Variants in FTO observed in about 807,000 individuals in gnomAD.
FTO encodes the protein alpha-ketoglutarate-dependent dioxygenase FTO.
A neutral mutation model predicts 63.9 loss-of-function variants in FTO; 47 were observed. The observed-to-expected ratio is 0.74, with a 90% CI of 0.58 to 0.94. The LOEUF (loss-of-function observed/expected upper bound fraction) is 0.94. FTO is among the 40% of genes least tolerant of loss of function. FTO has a pLI of 0.00. For missense variants in FTO, 562 were observed against 618.1 expected, an observed-to-expected ratio of 0.91 and a Z score of 0.96; for synonymous variants, 207 against 224.4, an observed-to-expected ratio of 0.92 and a Z score of 0.69.
chr16:53,832,922 T>G (rs2079182019), intron 3 of FTO, among the ~76,000 whole-genome samples: 1 of 152,182 alleles, frequency 6.6e-6, no homozygotes, highest in Non-Finnish European at 1.5e-5. Flanking sequence ...GTACCTCATG[T>G]AAGTGGAATC....
At chr16:53,729,044 G>T (rs2076213091) in intron 1 of FTO, among the ~76,000 whole-genome samples, 1 of 151,702 alleles carries the variant, frequency 6.6e-6, no homozygotes, top group Non-Finnish European at 1.5e-5. Context: ...GATTACAGGT[G>T]TGAGCCACTG....
At chr16:54,033,196 C>G (rs2084870165) in intron 8 of FTO, among the ~76,000 whole-genome samples, 1 of 152,190 alleles carries the variant, frequency 6.6e-6, no homozygotes, top group South Asian at 2.1e-4. Context: ...TGCCAAGGGC[C>G]TGTCAATTCT....
chr16:53,876,301 A>G (rs2080650617), intron 5 of FTO, among the ~76,000 whole-genome samples: 1 of 152,182 alleles, frequency 6.6e-6, no homozygotes, highest in African/African-American at 2.4e-5. Flanking sequence ...TACTATATAT[A>G]TGGTTCTGTA....
chr16:53,920,592 C>T (rs1180433006), intron 7 of FTO, among the ~76,000 whole-genome samples: 2 of 152,130 alleles, frequency 1.3e-5, no homozygotes, highest in African/African-American at 4.8e-5. Context: ...ATGCTGTCTG[C>T]TTAATGTTCC....
At chr16:54,098,718 C>A (rs1285431037) in intron 8 of FTO, among the ~76,000 whole-genome samples, 1 of 152,172 alleles carries the variant, frequency 6.6e-6, no homozygotes, top group African/African-American at 2.4e-5. Flanking sequence ...ATGTCTGCCG[C>A]TTCCTGCAGA....
At chr16:53,739,925 C>T (rs910694372) in intron 1 of FTO, among the ~76,000 whole-genome samples, 1 of 152,072 alleles carries the variant, frequency 6.6e-6, no homozygotes, top group African/African-American at 2.4e-5. Context: ...AGTTTGATCT[C>T]CCAAGGAGCC....
chr16:53,764,638 A>G (rs1030856256), intron 1 of FTO, among the ~76,000 whole-genome samples: 6 of 151,958 alleles, frequency 3.9e-5, no homozygotes, highest in Non-Finnish European at 8.8e-5. Flanking sequence ...CTTCTTGTCT[A>G]CTTGAACATC....
intron 8 of FTO, among the ~76,000 whole-genome samples, chr16:54,041,686 G>A (rs1221839638): frequency 6.6e-6 from 1 of 152,112 alleles, no homozygotes; most frequent in East Asian, 1.9e-4. Context: ...GTGATTCCCA[G>A]GATGTCTCCA....
chr16:53,767,045 T>G (rs552164727), intron 1 of FTO, among the ~76,000 whole-genome samples: 1 of 152,246 alleles, frequency 6.6e-6, no homozygotes, highest in East Asian at 1.9e-4. Flanking sequence ...GGCATGATAT[T>G]GATTAAGTGT....
intron 8 of FTO, among the ~76,000 whole-genome samples, chr16:53,950,688 T>C (rs942558320): frequency 6.6e-6 from 1 of 152,224 alleles, no homozygotes; most frequent in African/African-American, 2.4e-5. Context: ...ACAGCTTGCA[T>C]TAATAACACA....
rs2086977503 is a variant in FTO, at chr16:54,116,772, GA to G, written c.*4860del. 1.3e-5 allele frequency: 2 copies of G among 152,206 alleles called. No homozygotes were observed. Among genetic ancestry groups the G allele is most frequent in the South Asian group, 4.2e-4 (2 of 4,808 alleles). 9.4% of individuals were successfully genotyped at this position (152,206 alleles called of 1,614,324 possible). ...ACCTGAGACACCCGATAGATTCCTG[GA>G]AACTCCAGGAAAGTATCTGAAGATC... On this transcript the variant is annotated 3_prime_UTR_variant, in exon 9 of 9. Coordinates refer to ENST00000471389, the MANE Select transcript of FTO (RefSeq NM_001080432.3).
chr16:54,039,186 C>G (rs562553081), intron 8 of FTO, among the ~76,000 whole-genome samples: 9 of 152,324 alleles, frequency 5.9e-5, no homozygotes, highest in African/African-American at 2.2e-4. Flanking sequence ...CCATTAACTC[C>G]CAGACCCCAG....
intron 1 of FTO, among the ~76,000 whole-genome samples, chr16:53,760,621 CTTTTTTTT>C (rs1169039527): frequency 8.9e-6 from 1 of 112,038 alleles, no homozygotes; most frequent in Non-Finnish European, 1.8e-5. Context: ...TGCTTGCTTT[CTTTTTTTT>C]TTTTTTTTTT....
At chr16:53,862,411 A>AT (rs2080200911) in intron 4 of FTO, among the ~76,000 whole-genome samples, 1 of 152,046 alleles carries the variant, frequency 6.6e-6, no homozygotes, top group Non-Finnish European at 1.5e-5. Context: ...TTTATATTTA[A>AT]TTTTTTAACA....
intron 8 of FTO, chr16:53,985,009 G>A (rs16952730): frequency 0.32 from 145,620 of 455,684 alleles, 25,315 homozygotes; most frequent in East Asian, 0.72. Context: ...CTTCCAAATA[G>A]GTGAAGTTTA....
At chr16:54,085,711 G>A (rs892535421) in intron 8 of FTO, among the ~76,000 whole-genome samples, 2 of 152,170 alleles carry the variant, frequency 1.3e-5, no homozygotes, top group Non-Finnish European at 2.9e-5. Flanking sequence ...TGACAAATAA[G>A]CATTGAAGTT....
In FTO at chr16:54,121,316, A is replaced by G. The variant is rs1347419745; in HGVS notation, c.*9401A>G. ...AATGACTCAGCATGTATCAATTACG[A>G]TGATAAATATTATCATGGCATCCAA... On this transcript the variant is annotated 3_prime_UTR_variant, in exon 9 of 9. Transcript: ENST00000471389. 1.3e-5 allele frequency: 2 copies of G among 152,236 alleles called. No homozygotes were observed. The highest frequency in any genetic ancestry group is 4.8e-5 in the African/African-American group (2 of 41,468). 9.4% of individuals were successfully genotyped at this position (152,236 alleles called of 1,614,324 possible).
chr16:53,787,110 CAAAAAAAA>C (rs35391915), intron 1 of FTO, among the ~76,000 whole-genome samples: 12 of 56,170 alleles, frequency 2.1e-4, no homozygotes, highest in South Asian at 9.2e-4. Flanking sequence ...GACTCCTTCT[CAAAAAAAA>C]AAAAAAAAAA....
At chr16:54,065,012 C>T (rs898203954) in intron 8 of FTO, among the ~76,000 whole-genome samples, 10 of 152,252 alleles carry the variant, frequency 6.6e-5, no homozygotes, top group Admixed American at 1.3e-4. Context: ...GTCTGGCCCC[C>T]ACCCGCCTGA....
Sources: allele counts gnomAD v4.1 joint callset (sites outside exome capture counted in the v4.1 genomes callset), GRCh38; gene constraint gnomAD v4.1.1; transcripts MANE v1.5; gene names NCBI Gene and HGNC (gene_info 2026-07-23, HGNC 2026-07-21).